MBNL2: variants seen among roughly 807,000 people sequenced by gnomAD.
MBNL2 encodes muscleblind-like protein 2.
In MBNL2, 17 loss-of-function variants were observed where a neutral mutation model predicts 41.9. The ratio of observed to expected loss-of-function variants is 0.41; its 90% CI spans 0.28 to 0.61. The LOEUF is 0.61. Among genes scored for constraint, MBNL2 ranks in the 20% least tolerant of loss-of-function variants. The pLI, the probability that MBNL2 is intolerant of heterozygous loss-of-function variation, is 0.35. For synonymous variants in MBNL2, 195 were observed against 182.9 expected (o/e 1.07, Z -0.53); for missense variants, 336 against 505.6 (o/e 0.66, Z 3.22).
chr13:97,358,101 A>T lies in MBNL2; in HGVS notation c.1012+466A>T, dbSNP rs573182173. ...CTACTCATATTTTTATATTCATTCT[A>T]TCTCTTTCTCCATCCTTCTCAACTT... On this transcript the variant is annotated intron_variant, in intron 7 of 8. Transcript: ENST00000679496. Among the ~76,000 whole-genome samples, 17 of 152,302 alleles carry T rather than the reference A, an allele frequency of 1.1e-4. 1 individual carries two copies. In the South Asian group the frequency reaches 3.5e-3, roughly 32 times the overall value.
At chr13:97,341,365 C>T (rs1340730616) in intron 3 of MBNL2, among the ~76,000 whole-genome samples, 1 of 152,138 alleles carries the variant, frequency 6.6e-6, no homozygotes, top group East Asian at 1.9e-4. Flanking sequence ...TTTAAAAATC[C>T]TAACATTACA....
In MBNL2 at chr13:97,276,148, G is replaced by T; in HGVS notation, c.-88G>T. 1 of 1,027,808 alleles carries T rather than the reference G, an allele frequency of 9.7e-7. No homozygotes were observed. Among genetic ancestry groups the T allele is most frequent in the South Asian group, 1.5e-5 (1 of 68,294 alleles). The allele number at this position is 1,027,808 out of a possible 1,614,324, so 63.7% of individuals were successfully genotyped here. ...CTCACCTTCAGACTTACATGTGGGAGTTTTCACAACAGTAGTTTTGGAATC... is the reference window on the plus strand; with the variant it reads ...CTCACCTTCAGACTTACATGTGGGATTTTTCACAACAGTAGTTTTGGAATC... On this transcript the variant is annotated 5_prime_UTR_variant, in exon 2 of 9. Transcript: ENST00000679496.
At position 97,305,746 on chromosome 13, in the gene MBNL2, G is replaced by A. The variant is rs187093867; in HGVS notation, c.175-28530G>A. Among the ~76,000 whole-genome samples the A allele has an allele frequency of 2.8e-4, 43 of 151,248 alleles. No homozygotes were observed. The Middle Eastern group carries it at 0.014, about 48-fold the overall frequency. On this transcript the variant is annotated intron_variant, in intron 2 of 8. Transcript: ENST00000679496. ...CGCACACCACTGCACTCCAGCCTGG[G>A]CAACAGAGGGAGACCCCGTCTCAAA...
chr13:97,177,291 A>T, the MBNL2 span, among the ~76,000 whole-genome samples: 1 of 152,338 alleles, frequency 6.6e-6, no homozygotes, highest in African/African-American at 2.4e-5. Context: ...ATGAGCTGAG[A>T]TCACGCCACT....
chr13:97,320,261 CT>C lies in MBNL2; in HGVS notation c.175-13999del, dbSNP rs57742449. 6.2e-3 allele frequency among the ~76,000 whole-genome samples: 832 copies of C among 134,438 alleles called. 3 individuals are homozygous for C. The highest frequency in any genetic ancestry group is 0.016 in the African/African-American group (605 of 36,732). 88.2% of individuals were successfully genotyped at this position (134,438 alleles called of 152,430 possible). Reference sequence around the variant, plus strand: ...CCCTCAGAAGATTCTCTGGAAGGGTCTTTTTTTTTTTTTTTTGAGACAGTCT... The same window carrying C: ...CCCTCAGAAGATTCTCTGGAAGGGTCTTTTTTTTTTTTTTTGAGACAGTCT... On this transcript the variant is annotated intron_variant, in intron 2 of 8. Coordinates refer to ENST00000679496, the MANE Select transcript of MBNL2 (RefSeq NM_001382683.1).
chr13:97,390,664 T>C (rs2066328749), intron 8 of MBNL2, among the ~76,000 whole-genome samples: 1 of 152,168 alleles, frequency 6.6e-6, no homozygotes, highest in African/African-American at 2.4e-5. Flanking sequence ...CTTAATAGTT[T>C]ACCTTTATCT....
Position 97,365,189 on chromosome 13 carries a change from T to C in MBNL2, c.1048+18T>C, listed in dbSNP as rs1321941676. ...CAGTATTGGTAGGTTTCAACCTTTT[T>C]TATTTGTCTTTTATATGATGTACAA... On this transcript the variant is annotated intron_variant, in intron 8 of 8. Transcript: ENST00000679496. 1.3e-6 allele frequency: 2 copies of C among 1,557,166 alleles called. No individual in the cohort carries two copies. Among genetic ancestry groups the C allele is most frequent in the East Asian group, 4.5e-5 (2 of 44,616 alleles).
the MBNL2 span, among the ~76,000 whole-genome samples, chr13:97,144,420 CTTCTT>C: frequency 3.4e-4 from 30 of 87,606 alleles, no homozygotes; most frequent in Admixed American, 1.4e-3. Context: ...AGACATGATA[CTTCTT>C]TTTTTTTTTT....
At chr13:97,154,703 G>C in the MBNL2 span, among the ~76,000 whole-genome samples, 8 of 152,092 alleles carry the variant, frequency 5.3e-5, no homozygotes, top group Non-Finnish European at 1.5e-5. Flanking sequence ...TAGAATTTGA[G>C]TCTTACTCTG....
chr13:97,345,966 G>T (rs1436536526), intron 4 of MBNL2, among the ~76,000 whole-genome samples: 1 of 152,096 alleles, frequency 6.6e-6, no homozygotes, highest in African/African-American at 2.4e-5. Context: ...GTGATTGACA[G>T]ATTAAATAGA....
intron 3 of MBNL2, among the ~76,000 whole-genome samples, chr13:97,339,452 T>C (rs1014745252): frequency 2.6e-5 from 4 of 152,130 alleles, no homozygotes; most frequent in African/African-American, 9.7e-5. Context: ...CCCGCGAATC[T>C]TGTCCTCTGG....
At chr13:97,228,649 C>T (rs1483638885) in intron 1 of MBNL2, among the ~76,000 whole-genome samples, 1 of 151,480 alleles carries the variant, frequency 6.6e-6, no homozygotes, top group African/African-American at 2.4e-5. Context: ...CCTGCCTCAG[C>T]CTCCCAAGTA....
chr13:97,188,134 G>C, the MBNL2 span, among the ~76,000 whole-genome samples: 1 of 152,234 alleles, frequency 6.6e-6, no homozygotes, highest in South Asian at 2.1e-4. Context: ...GTTACAAAAG[G>C]TGAGAGGAAC....
At chr13:97,368,666 CTT>C (rs1012204877) in intron 8 of MBNL2, among the ~76,000 whole-genome samples, 17 of 150,650 alleles carry the variant, frequency 1.1e-4, no homozygotes, top group African/African-American at 3.7e-4. Flanking sequence ...AGAAAAAAAA[CTT>C]TGAGAGAGAG....
chr13:97,181,024 CCT>C, the MBNL2 span, among the ~76,000 whole-genome samples: 1 of 152,188 alleles, frequency 6.6e-6, no homozygotes, highest in South Asian at 2.1e-4. Flanking sequence ...GCTTATGTCT[CCT>C]TCTTCCATCT....
intron 2 of MBNL2, among the ~76,000 whole-genome samples, chr13:97,309,657 C>A (rs987314228): frequency 1.3e-5 from 2 of 152,174 alleles, no homozygotes; most frequent in Non-Finnish European, 2.9e-5. Context: ...TTGGTTATGG[C>A]AGCCCAAGCA....
At chr13:97,361,046 T>A (rs1228942300) in intron 7 of MBNL2, among the ~76,000 whole-genome samples, 2 of 152,152 alleles carry the variant, frequency 1.3e-5, no homozygotes, top group African/African-American at 2.4e-5. Context: ...CTTGAACCCG[T>A]GGTATGTTCT....
intron 2 of MBNL2, among the ~76,000 whole-genome samples, chr13:97,320,259 G>A (rs2059389537): frequency 1.4e-5 from 2 of 142,662 alleles, no homozygotes; most frequent in Admixed American, 7.2e-5. Context: ...CTCTGGAAGG[G>A]TCTTTTTTTT....
At chr13:97,197,682 T>C in the MBNL2 span, among the ~76,000 whole-genome samples, 1 of 152,222 alleles carries the variant, frequency 6.6e-6, no homozygotes, top group African/African-American at 2.4e-5. Context: ...CATTACTACT[T>C]TATTTGAAGT....
Sources: gnomAD v4.1 joint callset for allele counts (sites outside exome capture counted in the v4.1 genomes callset) on GRCh38, gnomAD v4.1.1 for gene constraint, MANE v1.5 for transcripts, NCBI Gene and HGNC (gene_info 2026-07-23, HGNC 2026-07-21) for gene names.